The following MGAT5 variants were observed in gnomAD, a reference collection of about 807,000 sequenced individuals.
MGAT5 encodes alpha-1,6-mannosylglycoprotein 6-beta-N-acetylglucosaminyltransferase.
Under a neutral mutation model 94.3 loss-of-function variants are expected in MGAT5, and 30 were observed. The observed-to-expected ratio is 0.32, with a 90% confidence interval of 0.24 to 0.43. The LOEUF (loss-of-function observed/expected upper bound fraction) is 0.43. MGAT5 is among the 20% of genes least tolerant of loss of function. The pLI is 1.00. For synonymous variants in MGAT5, 310 were observed against 322.9 expected, an observed-to-expected ratio of 0.96 and a Z score of 0.43; for missense variants, 691 against 905.5, an observed-to-expected ratio of 0.76 and a Z score of 3.04.
chr2:134,229,924 T>C (rs1681271048), intron 1 of MGAT5, among the ~76,000 whole-genome samples: 1 of 152,148 alleles, frequency 6.6e-6, no homozygotes, highest in Non-Finnish European at 1.5e-5. Flanking sequence ...GATAAGATGC[T>C]CACTCTCTTT....
intron 1 of MGAT5, among the ~76,000 whole-genome samples, chr2:134,156,347 G>A (rs984431775): frequency 1.3e-5 from 2 of 152,144 alleles, no homozygotes; most frequent in South Asian, 2.1e-4. Context: ...GGCTTGTTAT[G>A]GGCTGTCCAG....
chr2:134,195,975 T>C (rs1679477614), intron 1 of MGAT5, among the ~76,000 whole-genome samples: 1 of 152,210 alleles, frequency 6.6e-6, no homozygotes, highest in Non-Finnish European at 1.5e-5. Context: ...ACAAATGGTC[T>C]AGAAAACCCC....
chr2:134,233,605 T>C (rs1244375491), intron 1 of MGAT5, among the ~76,000 whole-genome samples: 1 of 152,196 alleles, frequency 6.6e-6, no homozygotes, highest in Non-Finnish European at 1.5e-5. Context: ...TTAATGTATT[T>C]AGATCAGGCA....
intron 1 of MGAT5, among the ~76,000 whole-genome samples, chr2:134,196,121 T>G (rs543129166): frequency 6.6e-6 from 1 of 152,334 alleles, no homozygotes; most frequent in East Asian, 1.9e-4. Context: ...TCTTCGGAAG[T>G]TGAATTTGCT....
In MGAT5 at chr2:134,243,174, A is replaced by G. The variant is rs552266710; in HGVS notation, c.-142-11088A>G. On this transcript the variant is annotated intron_variant, in intron 1 of 16. Transcript: ENST00000409645. ...GCCTGGCTGTGTATTAAAATCATCT[A>G]AGCAGCTTAAAATAAAAATACCTCT... Among the ~76,000 whole-genome samples, 36 of 152,180 alleles carry G rather than the reference A, an allele frequency of 2.4e-4. No homozygotes were observed. The South Asian group carries it at 7.3e-3, about 31-fold the overall frequency.
intron 1 of MGAT5, among the ~76,000 whole-genome samples, chr2:134,130,204 C>CCCACCCCACACCGCCCCACA (rs1553482760): frequency 1.3e-4 from 8 of 60,348 alleles, no homozygotes; most frequent in Non-Finnish European, 1.4e-4. Flanking sequence ...TGGAGCCCGC[C>CCCACCCCACACCGCCCCACA]CCGCCCCACA....
intron 10 of MGAT5, among the ~76,000 whole-genome samples, chr2:134,399,512 C>G (rs1045629986): frequency 3.9e-5 from 6 of 152,192 alleles, no homozygotes; most frequent in Admixed American, 6.5e-5. Flanking sequence ...ATCAGTTGTT[C>G]TTAATGAGAA....
rs192605948 is a variant in MGAT5 at position 134,153,013 on chromosome 2, C to T, written c.-143+32722C>T. On this transcript the variant is annotated intron_variant, in intron 1 of 16. Transcript: ENST00000409645. ...CCACCTCCTGAGTTCAAGCAGTTCT[C>T]CTGTCTCAGCCTCCCAAGTAGCTGG... 1.7e-3 allele frequency among the ~76,000 whole-genome samples: 256 copies of T among 150,692 alleles called. 3 individuals carry two copies. The highest frequency in any genetic ancestry group is 5.9e-3 in the African/African-American group (243 of 40,976).
intron 1 of MGAT5, among the ~76,000 whole-genome samples, chr2:134,124,130 T>C (rs75801228): frequency 6.6e-6 from 1 of 152,170 alleles, no homozygotes; most frequent in African/African-American, 2.4e-5. Flanking sequence ...TATAAAGATG[T>C]CCTCCTAAAT....
At chr2:134,328,968 G>GT (rs1156836138) in intron 4 of MGAT5, among the ~76,000 whole-genome samples, 1 of 151,904 alleles carries the variant, frequency 6.6e-6, no homozygotes, top group Non-Finnish European at 1.5e-5. Context: ...GAGCTGTAGG[G>GT]TTACCAGATA....
chr2:134,329,214 C>T (rs1687811190), intron 4 of MGAT5, among the ~76,000 whole-genome samples: 1 of 152,040 alleles, frequency 6.6e-6, no homozygotes, highest in African/African-American at 2.4e-5. Context: ...TTATGTAGGG[C>T]AGGGTGAATG....
intron 3 of MGAT5, among the ~76,000 whole-genome samples, chr2:134,318,209 G>T (rs1490034426): frequency 6.6e-6 from 1 of 152,144 alleles, no homozygotes; most frequent in Non-Finnish European, 1.5e-5. Context: ...CATTTGGGTG[G>T]TATCCATGTG....
intron 10 of MGAT5, among the ~76,000 whole-genome samples, chr2:134,374,183 C>T (rs1681008845): frequency 1.3e-5 from 2 of 152,156 alleles, no homozygotes; most frequent in African/African-American, 4.8e-5. Flanking sequence ...CAGTGGAATG[C>T]ATTGGGCCAG....
chr2:134,243,761 G>A (rs1682090362), intron 1 of MGAT5, among the ~76,000 whole-genome samples: 1 of 152,170 alleles, frequency 6.6e-6, no homozygotes, highest in Non-Finnish European at 1.5e-5. Context: ...CAGATTTGGG[G>A]AGGACTGTCC....
At chr2:134,319,690 A>G (rs1413867537) in intron 4 of MGAT5, 8 of 370,972 alleles carry the variant, frequency 2.2e-5, no homozygotes, top group Admixed American at 1.0e-4. Context: ...CCTCTATGCC[A>G]TCAACATACT....
chr2:134,254,050 G>A (rs558380274), upstream of MGAT5, among the ~76,000 whole-genome samples: 3 of 152,260 alleles, frequency 2.0e-5, no homozygotes, highest in East Asian at 3.9e-4. Context: ...GTTAACACAC[G>A]CAGACGCACA....
chr2:134,159,221 G>GTGTA (rs1553486181), intron 1 of MGAT5, among the ~76,000 whole-genome samples: 5 of 150,452 alleles, frequency 3.3e-5, no homozygotes, highest in African/African-American at 9.8e-5. Flanking sequence ...GTGTGTGTGT[G>GTGTA]TGTGGTCCCT....
intron 10 of MGAT5, among the ~76,000 whole-genome samples, chr2:134,379,634 T>C (rs1327761319): frequency 2.0e-5 from 3 of 152,254 alleles, no homozygotes; most frequent in African/African-American, 7.2e-5. Flanking sequence ...CGATCATGGC[T>C]GGACTGCAGG....
At chr2:134,298,037 C>T (rs988904794) in intron 2 of MGAT5, among the ~76,000 whole-genome samples, 7 of 151,420 alleles carry the variant, frequency 4.6e-5, no homozygotes, top group Non-Finnish European at 1.0e-4. Context: ...AGAGTATGAA[C>T]GTGTATTTCT....
Sources: allele counts gnomAD v4.1 joint callset (sites outside exome capture counted in the v4.1 genomes callset), GRCh38; gene constraint gnomAD v4.1.1; transcripts MANE v1.5; gene names NCBI Gene and HGNC (gene_info 2026-07-23, HGNC 2026-07-21).